Variants in ANO2 observed in about 807,000 individuals in gnomAD.
ANO2 encodes anoctamin 2.
A neutral mutation model predicts 124.2 loss-of-function variants in ANO2; 101 were observed. The observed-to-expected ratio is 0.81, with a 90% CI of 0.69 to 0.96. ANO2 has a LOEUF of 0.96. Among genes scored for constraint, ANO2 ranks in the 40% least tolerant of loss-of-function variants. ANO2 has a pLI of 0.00. For missense variants in ANO2, 1,293 were observed against 1,274.5 expected (o/e 1.01, Z -0.22); for synonymous variants, 486 against 482.5 (o/e 1.01, Z -0.09).
At chr12:5,586,857 C>T (rs146207969) in intron 20 of ANO2, among the ~76,000 whole-genome samples, 63 of 152,260 alleles carry the variant, frequency 4.1e-4, no homozygotes, top group Middle Eastern at 3.4e-3. Context: ...GGGTAGTTTT[C>T]CTGAACTATC....
Position 5,827,771 on chromosome 12 carries a change from A to G in ANO2, c.890T>C (p.Met297Thr). 6.2e-7 allele frequency: 1 copy of G among 1,610,864 alleles called. No homozygotes were observed. The highest frequency in any genetic ancestry group is 8.5e-7 in the Non-Finnish European group (1 of 1,178,780). The change falls in exon 7 of 25, where the codon ATG becomes ACG. Residue 297 changes from methionine (M) to threonine (T), a missense_variant and splice_region_variant. Transcript: ENST00000682330. The stretch of plus-strand genomic sequence containing the variant: ...TGCCCGCGGGCTGGGGTCCTTACCC[A>G]TCGTGTTGTTGGCTCGGGAGCAGGC... Reference protein sequence around the residue: ...RTACSRANNTMGINSLIANNI... With the variant: ...RTACSRANNTTGINSLIANNI...
chr12:5,761,847 G>C (rs1951754174), intron 10 of ANO2, among the ~76,000 whole-genome samples: 1 of 152,092 alleles, frequency 6.6e-6, no homozygotes, highest in Admixed American at 6.6e-5. Context: ...TTCTGAGTTA[G>C]CAGCAAACAA....
At chr12:5,813,048 A>AGGAAGAC in intron 7 of ANO2, among the ~76,000 whole-genome samples, 1 of 93,778 alleles carries the variant, frequency 1.1e-5, no homozygotes, top group Non-Finnish European at 2.4e-5. Context: ...AAACAAAGAA[A>AGGAAGAC]GAAAGAGGAA....
chr12:5,851,519 T>C (rs1027385435), intron 4 of ANO2, among the ~76,000 whole-genome samples: 7 of 151,928 alleles, frequency 4.6e-5, no homozygotes, highest in Non-Finnish European at 7.4e-5. Flanking sequence ...ACCCTGTCTC[T>C]ACTAAAAATA....
chr12:5,765,402 A>T (rs1223287619), intron 10 of ANO2, among the ~76,000 whole-genome samples: 1 of 152,196 alleles, frequency 6.6e-6, no homozygotes, highest in Non-Finnish European at 1.5e-5. Flanking sequence ...AGAAATCTTT[A>T]CTTCTAATTT....
chr12:5,688,473 C>T (rs1948794130), intron 14 of ANO2, among the ~76,000 whole-genome samples: 1 of 152,138 alleles, frequency 6.6e-6, no homozygotes, highest in Non-Finnish European at 1.5e-5. Context: ...CCTTAAAGCC[C>T]CAGCTGTCTC....
At chr12:5,586,215 G>A (rs1433593495) in intron 20 of ANO2, among the ~76,000 whole-genome samples, 1 of 152,150 alleles carries the variant, frequency 6.6e-6, no homozygotes, top group East Asian at 1.9e-4. Context: ...AAAGGCGTGG[G>A]GATGCAGTCT....
chr12:5,638,258 C>T lies in ANO2; in HGVS notation c.1621-2911G>A, dbSNP rs1380264792. On this transcript the variant is annotated intron_variant, in intron 15 of 24. Coordinates refer to ENST00000682330, the MANE Select transcript of ANO2 (RefSeq NM_001364791.2). Reference sequence around the variant, plus strand: ...TTTCCTTTTTTTTTTTTTTTTGAGACGGAGTCTCACTCCGTCACCCAGGTT... The same window carrying T: ...TTTCCTTTTTTTTTTTTTTTTGAGATGGAGTCTCACTCCGTCACCCAGGTT... Among the ~76,000 whole-genome samples the T allele has an allele frequency of 1.0e-3, 65 of 63,362 alleles. 2 individuals carry two copies. Among genetic ancestry groups the T allele is most frequent in the African/African-American group, 1.9e-3 (35 of 18,654 alleles). The allele number at this position is 63,362 out of a possible 152,430, so 41.6% of individuals were successfully genotyped here. A position where few individuals can be genotyped will look rare whatever the true frequency, so the allele number is the denominator to read the frequency against.
intron 7 of ANO2, among the ~76,000 whole-genome samples, chr12:5,813,910 T>C (rs1953516070): frequency 6.6e-6 from 1 of 152,208 alleles, no homozygotes; most frequent in East Asian, 1.9e-4. Context: ...ACAGGGAACA[T>C]GGCTTGACCG....
chr12:5,645,152 C>G (rs75336061), intron 15 of ANO2, among the ~76,000 whole-genome samples: 2,339 of 151,976 alleles, frequency 0.015, 70 homozygotes, highest in African/African-American at 0.054. Flanking sequence ...ATTACCTGTT[C>G]TCTTTCAACC....
At chr12:5,893,970 A>G (rs1939596988) in intron 3 of ANO2, among the ~76,000 whole-genome samples, 1 of 152,104 alleles carries the variant, frequency 6.6e-6, no homozygotes, top group African/African-American at 2.4e-5. Context: ...GTGTCTTTAT[A>G]GTAGAACAAT....
chr12:5,604,996 C>T (rs1565464386), intron 19 of ANO2, among the ~76,000 whole-genome samples: 1 of 152,064 alleles, frequency 6.6e-6, no homozygotes, highest in East Asian at 1.9e-4. Context: ...ATTCCCTCTG[C>T]CTGTGCCCCA....
intron 15 of ANO2, among the ~76,000 whole-genome samples, chr12:5,641,229 T>TG (rs1946372442): frequency 2.7e-5 from 1 of 37,296 alleles, no homozygotes; most frequent in African/African-American, 1.0e-4. Flanking sequence ...TGTCAGGGGG[T>TG]GGGGGGCAGG....
chr12:5,869,157 C>T (rs1384819968), intron 3 of ANO2, among the ~76,000 whole-genome samples: 2 of 152,096 alleles, frequency 1.3e-5, no homozygotes, highest in East Asian at 1.9e-4. Context: ...GGGTCCCATC[C>T]AGCAGGGCCA....
intron 16 of ANO2, among the ~76,000 whole-genome samples, chr12:5,625,984 T>G (rs1486350562): frequency 6.6e-6 from 1 of 152,198 alleles, no homozygotes; most frequent in East Asian, 1.9e-4. Context: ...AAGCATGGTG[T>G]AAGGGCTCAA....
chr12:5,583,459 T>C (rs373235932), intron 20 of ANO2, among the ~76,000 whole-genome samples: 3,480 of 151,650 alleles, frequency 0.023, 81 homozygotes, highest in African/African-American at 0.055. Flanking sequence ...CGAGACCATC[T>C]TGGCTAACAC....
At position 5,567,322 on chromosome 12, in the gene ANO2, A is replaced by C. The variant is rs1338801486; in HGVS notation, c.2622-1659T>G. Among the ~76,000 whole-genome samples the C allele has an allele frequency of 2.6e-5, 4 of 152,228 alleles. No homozygotes were observed. The East Asian group carries it at 7.7e-4, about 29-fold the overall frequency. On this transcript the variant is annotated intron_variant, in intron 23 of 24. Coordinates refer to ENST00000682330, the MANE Select transcript of ANO2 (RefSeq NM_001364791.2). ...GGCCAGCTCCAGATTATCCTTGCTGATGGCAGAGAGGGAGAGCGTGGCTAA... is the reference window on the plus strand; with the variant it reads ...GGCCAGCTCCAGATTATCCTTGCTGCTGGCAGAGAGGGAGAGCGTGGCTAA...
chr12:5,852,256 C>CG (rs950041293), intron 4 of ANO2, among the ~76,000 whole-genome samples: 2 of 151,996 alleles, frequency 1.3e-5, no homozygotes, highest in African/African-American at 4.8e-5. Flanking sequence ...TTGAGGGCTG[C>CG]GGTATTAGGA....
intron 3 of ANO2, among the ~76,000 whole-genome samples, chr12:5,911,581 A>G (rs893956012): frequency 1.3e-5 from 2 of 152,206 alleles, no homozygotes; most frequent in Admixed American, 6.5e-5. Context: ...AACAACCAGC[A>G]TAACACATTG....
Sources: gnomAD v4.1 joint callset for allele counts (sites outside exome capture counted in the v4.1 genomes callset) on GRCh38, gnomAD v4.1.1 for gene constraint, MANE v1.5 for transcripts, NCBI Gene and HGNC (gene_info 2026-07-23, HGNC 2026-07-21) for gene names.